The following PDZRN3 variants were observed in gnomAD, a reference collection of about 807,000 sequenced individuals.
The protein encoded by PDZRN3 is PDZ domain containing ring finger 3.
PDZRN3 carries 38 observed loss-of-function variants against 85.7 expected under a neutral mutation model. That is an observed-to-expected ratio of 0.44 (90% CI 0.34 to 0.58). The LOEUF (loss-of-function observed/expected upper bound fraction) is 0.58. PDZRN3 is among the 20% of genes least tolerant of loss of function. The pLI is 0.01. For synonymous variants in PDZRN3, 759 were observed against 638.0 expected (o/e 1.19, Z -2.86); for missense variants, 1,629 against 1,506.4 (o/e 1.08, Z -1.35).
intron 3 of PDZRN3, among the ~76,000 whole-genome samples, chr3:73,410,188 A>C (rs1008877739): frequency 6.6e-6 from 1 of 152,238 alleles, no homozygotes; most frequent in African/African-American, 2.4e-5. Context: ...GTTGGATAAA[A>C]AAAAGTCTTT....
intron 3 of PDZRN3, among the ~76,000 whole-genome samples, chr3:73,559,337 T>C (rs2106824672): frequency 6.6e-6 from 1 of 152,344 alleles, no homozygotes; most frequent in South Asian, 2.1e-4. Flanking sequence ...GGTGCCATTT[T>C]ATGGAAAGGG....
rs974881306 is a variant in PDZRN3, at chr3:73,384,718, G to A, written c.1848C>T (p.Gly616=). Residue 616 remains glycine (G), a synonymous_variant, in exon 10 of 10, where the codon GGC becomes GGT. Coordinates refer to ENST00000263666, the MANE Select transcript of PDZRN3 (RefSeq NM_015009.3). ...LTCSQDTLGS[G]DLPFSNESFI... is the part of the protein sequence containing the mutation. ...AAGACTCGTTGCTGAAGGGCAGGTCGCCGCTGCCCAAGGTGTCCTGGCTGC... is the reference window on the plus strand; with the variant it reads ...AAGACTCGTTGCTGAAGGGCAGGTCACCGCTGCCCAAGGTGTCCTGGCTGC... 1.4e-5 allele frequency: 23 copies of A among 1,613,878 alleles called. No individual in the cohort carries two copies. The highest frequency in any genetic ancestry group is 3.4e-6 in the Non-Finnish European group (4 of 1,180,042).
chr3:73,579,163 G>A (rs1702164068), intron 3 of PDZRN3, among the ~76,000 whole-genome samples: 1 of 152,098 alleles, frequency 6.6e-6, no homozygotes, highest in African/African-American at 2.4e-5. Context: ...TTTCAAAAGA[G>A]GCTCAAGGGA....
intron 4 of PDZRN3, among the ~76,000 whole-genome samples, chr3:73,402,932 C>T (rs897003798): frequency 7.3e-6 from 1 of 137,664 alleles, no homozygotes; most frequent in Non-Finnish European, 1.5e-5. Flanking sequence ...CAAAGTCACA[C>T]ATGAAAAGCT....
chr3:73,499,099 G>A (rs906152946), intron 3 of PDZRN3, among the ~76,000 whole-genome samples: 5 of 152,098 alleles, frequency 3.3e-5, no homozygotes, highest in East Asian at 1.9e-4. Flanking sequence ...ACAACCACAC[G>A]GCTGGTTCTT....
intron 3 of PDZRN3, among the ~76,000 whole-genome samples, chr3:73,572,673 G>A (rs1319367175): frequency 6.6e-6 from 1 of 152,162 alleles, no homozygotes; most frequent in Non-Finnish European, 1.5e-5. Context: ...CAAAAAAGGA[G>A]CAGCACTGTC....
intron 3 of PDZRN3, among the ~76,000 whole-genome samples, chr3:73,464,750 A>T (rs1001325971): frequency 6.6e-6 from 1 of 152,220 alleles, no homozygotes; most frequent in Non-Finnish European, 1.5e-5. Flanking sequence ...TTATTGACAG[A>T]TAAGATTGTA....
intron 3 of PDZRN3, among the ~76,000 whole-genome samples, chr3:73,488,218 C>A (rs936503776): frequency 1.3e-5 from 2 of 152,116 alleles, no homozygotes; most frequent in Admixed American, 1.3e-4. Flanking sequence ...AAAGCCTCTG[C>A]CTTTTAGGAA....
At chr3:73,601,237 A>G (rs1306669026) in intron 3 of PDZRN3, among the ~76,000 whole-genome samples, 2 of 152,218 alleles carry the variant, frequency 1.3e-5, no homozygotes, top group Admixed American at 1.3e-4. Flanking sequence ...TTTCCCCAGG[A>G]GAAGCCTGTG....
rs760500017 is a variant in PDZRN3, at chr3:73,383,480, CTCT to C, written c.3083_3085del (p.Lys1028del). Reference sequence around the variant, plus strand: ...CCAGTTATCGAAGATTTTCTTATTCCTCTTCTTCATCATCTTTTTGTGGCTCAG... The same window carrying C: ...CCAGTTATCGAAGATTTTCTTATTCCTCTTCATCATCTTTTTGTGGCTCAG... On this transcript the variant is annotated inframe_deletion, in exon 10 of 10. Transcript: ENST00000263666. The C allele has an allele frequency of 1.2e-5, 20 of 1,614,100 alleles. No individual in the cohort carries two copies. The highest frequency in any genetic ancestry group is 3.3e-5 in the South Asian group (3 of 91,090).
intron 3 of PDZRN3, among the ~76,000 whole-genome samples, chr3:73,415,049 T>A (rs1013683): frequency 0.71 from 108,399 of 152,114 alleles, 38,750 homozygotes; most frequent in East Asian, 0.85. Flanking sequence ...ATTGCGAATG[T>A]CTCCATGCTC....
chr3:73,555,930 C>T (rs1056349480), intron 3 of PDZRN3, among the ~76,000 whole-genome samples: 2 of 152,174 alleles, frequency 1.3e-5, no homozygotes, highest in African/African-American at 2.4e-5. Context: ...GTACTTAATA[C>T]ATGCAGAGTA....
Position 73,404,393 on chromosome 3 carries a change from G to A in PDZRN3, c.921C>T (p.Val307=). The change falls in exon 4 of 10, where the codon GTC becomes GTT. Residue 307 remains valine (V), a splice_region_variant and synonymous_variant. Coordinates refer to ENST00000263666, the MANE Select transcript of PDZRN3 (RefSeq NM_015009.3). ...TTGCTCTGGATAAGTCTCTGCCGTT[G>A]ACCTGTGGAAAAATATTTAGGGTGG... ...GLQIHDRIIE[V]NGRDLSRATH... is the part of the protein sequence containing the mutation. The A allele has an allele frequency of 6.2e-7, 1 of 1,610,582 alleles. No homozygotes were observed. The highest frequency in any genetic ancestry group is 8.5e-7 in the Non-Finnish European group (1 of 1,178,242).
chr3:73,577,356 G>A (rs1233406083), intron 3 of PDZRN3, among the ~76,000 whole-genome samples: 3 of 152,274 alleles, frequency 2.0e-5, no homozygotes, highest in East Asian at 1.9e-4. Context: ...AATCAGAGAC[G>A]CAGATGTTTG....
intron 1 of PDZRN3, among the ~76,000 whole-genome samples, chr3:73,620,996 G>A (rs952513936): frequency 3.3e-5 from 5 of 152,242 alleles, no homozygotes; most frequent in African/African-American, 1.2e-4. Flanking sequence ...ATATCTACCT[G>A]AGCGTAAGCT....
chr3:73,563,003 A>T (rs1163666553), intron 3 of PDZRN3, among the ~76,000 whole-genome samples: 1 of 37,130 alleles, frequency 2.7e-5, no homozygotes, highest in African/African-American at 1.1e-4. Flanking sequence ...ATATATATAT[A>T]TATATATATA....
chr3:73,562,993 ATATATATATATATATATATATTTT>A (rs1181993539), intron 3 of PDZRN3, among the ~76,000 whole-genome samples: 11 of 30,136 alleles, frequency 3.7e-4, no homozygotes, highest in African/African-American at 8.4e-4. Flanking sequence ...TTATATATAT[ATATATATATATATATATATATTTT>A]TTTTTTTTTT....
intron 3 of PDZRN3, among the ~76,000 whole-genome samples, chr3:73,552,189 A>G (rs1285249300): frequency 1.3e-5 from 2 of 150,316 alleles, no homozygotes; most frequent in Admixed American, 1.3e-4. Context: ...TCCCCACCTA[A>G]ATGTTGCCTC....
intron 8 of PDZRN3, among the ~76,000 whole-genome samples, chr3:73,387,050 A>G (rs1486543870): frequency 1.3e-5 from 2 of 152,188 alleles, no homozygotes; most frequent in African/African-American, 4.8e-5. Flanking sequence ...TGATAGTTTT[A>G]TAAGGGGAAA....
Sources: gnomAD v4.1 joint callset for allele counts (sites outside exome capture counted in the v4.1 genomes callset) on GRCh38, gnomAD v4.1.1 for gene constraint, MANE v1.5 for transcripts, NCBI Gene and HGNC (gene_info 2026-07-23, HGNC 2026-07-21) for gene names.